HS3ST5: variants seen among roughly 807,000 people sequenced by gnomAD.
HS3ST5 encodes the protein heparan sulfate glucosamine 3-O-sulfotransferase 5.
A neutral mutation model predicts 25.4 loss-of-function variants in HS3ST5; 10 were observed. The ratio of observed to expected loss-of-function variants is 0.39; its 90% CI spans 0.24 to 0.67. HS3ST5 has a LOEUF of 0.67. HS3ST5 is among the 30% of genes least tolerant of loss of function. The pLI is 0.44. For synonymous variants in HS3ST5, 170 were observed against 162.4 expected, an observed-to-expected ratio of 1.05 and a Z score of -0.36; for missense variants, 324 against 420.7, an observed-to-expected ratio of 0.77 and a Z score of 2.01.
chr6:114,115,368 C>T (rs1290757423), intron 3 of HS3ST5, among the ~76,000 whole-genome samples: 1 of 152,080 alleles, frequency 6.6e-6, no homozygotes. Context: ...AGTTAGCAGT[C>T]TCAGAACCTT....
At chr6:114,138,925 G>T (rs997567147) in intron 3 of HS3ST5, among the ~76,000 whole-genome samples, 4 of 152,158 alleles carry the variant, frequency 2.6e-5, no homozygotes, top group African/African-American at 7.2e-5. Flanking sequence ...CTTGGAAGGG[G>T]CAAGGGAGCT....
chr6:114,078,746 T>A (rs1774286587), intron 3 of HS3ST5, among the ~76,000 whole-genome samples: 1 of 152,158 alleles, frequency 6.6e-6, no homozygotes, highest in South Asian at 2.1e-4. Flanking sequence ...GCTGGGTAAA[T>A]TCATCCCCTT....
chr6:114,178,057 A>G (rs1779802844), intron 2 of HS3ST5, among the ~76,000 whole-genome samples: 1 of 152,192 alleles, frequency 6.6e-6, no homozygotes, highest in African/African-American at 2.4e-5. Flanking sequence ...TTTTGCTAAA[A>G]GACTTGCTCT....
intron 1 of HS3ST5, among the ~76,000 whole-genome samples, chr6:114,303,839 G>C (rs1456533057): frequency 6.6e-6 from 1 of 152,042 alleles, no homozygotes; most frequent in Non-Finnish European, 1.5e-5. Flanking sequence ...TTGAGCCTGT[G>C]CCCATAAATC....
chr6:114,202,687 T>A (rs902103813), intron 2 of HS3ST5, among the ~76,000 whole-genome samples: 32 of 152,156 alleles, frequency 2.1e-4, no homozygotes, highest in Non-Finnish European at 3.4e-4. Flanking sequence ...CTAGAATAGT[T>A]AGGGGAAGCC....
At chr6:114,106,030 AC>A (rs1562198977) in intron 3 of HS3ST5, among the ~76,000 whole-genome samples, 9 of 152,244 alleles carry the variant, frequency 5.9e-5, no homozygotes, top group Non-Finnish European at 1.2e-4. Flanking sequence ...AATCAGTTTT[AC>A]TTAATGCTCC....
At chr6:114,094,041 G>A (rs1460609513) in intron 3 of HS3ST5, among the ~76,000 whole-genome samples, 2 of 152,138 alleles carry the variant, frequency 1.3e-5, no homozygotes, top group South Asian at 2.1e-4. Context: ...CAAATAGGAT[G>A]GTGATGCTGA....
At chr6:114,288,665 C>G (rs1237004483) in intron 1 of HS3ST5, among the ~76,000 whole-genome samples, 1 of 152,062 alleles carries the variant, frequency 6.6e-6, no homozygotes, top group Non-Finnish European at 1.5e-5. Context: ...CTTGACCAAT[C>G]TGACTACTAA....
chr6:114,204,660 C>G (rs1476912534), intron 2 of HS3ST5, among the ~76,000 whole-genome samples: 2 of 152,014 alleles, frequency 1.3e-5, no homozygotes, highest in Non-Finnish European at 2.9e-5. Flanking sequence ...GTATAAAACA[C>G]ACACTTTATT....
chr6:114,067,854 G>A (rs1773553858), intron 3 of HS3ST5, among the ~76,000 whole-genome samples: 1 of 152,132 alleles, frequency 6.6e-6, no homozygotes, highest in South Asian at 2.1e-4. Context: ...GGAGTCAAAA[G>A]ACCTTGGGTC....
chr6:114,223,149 A>AT (rs575432990), intron 2 of HS3ST5, among the ~76,000 whole-genome samples: 16 of 151,576 alleles, frequency 1.1e-4, no homozygotes, highest in East Asian at 1.9e-4. Flanking sequence ...ATTTTTGAAT[A>AT]TTTTTTTCAT....
intron 4 of HS3ST5, 138 bp downstream of exon 4, chr6:114,062,601 A>G (rs982546924): frequency 3.2e-6 from 2 of 632,466 alleles, no homozygotes; most frequent in African/African-American, 1.8e-5. Flanking sequence ...GTAAATCAAA[A>G]TCAATACTGC....
At chr6:114,238,513 C>G (rs940296161) in intron 1 of HS3ST5, among the ~76,000 whole-genome samples, 2 of 152,094 alleles carry the variant, frequency 1.3e-5, no homozygotes, top group Admixed American at 1.3e-4. Context: ...AGGATGTACA[C>G]GTACAGATTT....
At chr6:114,081,399 G>A (rs922693567) in intron 3 of HS3ST5, among the ~76,000 whole-genome samples, 11 of 152,082 alleles carry the variant, frequency 7.2e-5, no homozygotes, top group Admixed American at 4.6e-4. Context: ...ATAAAGTGAG[G>A]CACAGTAAAA....
At chr6:114,208,293 G>T (rs143219387) in intron 2 of HS3ST5, among the ~76,000 whole-genome samples, 2 of 152,202 alleles carry the variant, frequency 1.3e-5, no homozygotes, top group African/African-American at 2.4e-5. Context: ...GTTTATGAGG[G>T]CCTAATTTTT....
intron 1 of HS3ST5, among the ~76,000 whole-genome samples, chr6:114,313,025 GAAAAAAAAAAAA>G (rs5879258): frequency 1.4e-3 from 23 of 16,126 alleles, no homozygotes; most frequent in East Asian, 7.4e-3. Flanking sequence ...CCCTGCATCA[GAAAAAAAAAAAA>G]AAAAAAAAAA....
intron 3 of HS3ST5, among the ~76,000 whole-genome samples, chr6:114,150,548 A>G (rs2114959095): frequency 1.3e-5 from 2 of 152,320 alleles, no homozygotes; most frequent in South Asian, 4.1e-4. Flanking sequence ...AGACCTTTAT[A>G]TGAAGGACTG....
chr6:114,272,930 G>T (rs536655687), intron 1 of HS3ST5, among the ~76,000 whole-genome samples: 1 of 152,006 alleles, frequency 6.6e-6, no homozygotes, highest in Non-Finnish European at 1.5e-5. Flanking sequence ...AGAGACATAC[G>T]AGAGAGGGGG....
chr6:114,248,319 T>G (rs888385576), intron 1 of HS3ST5, among the ~76,000 whole-genome samples: 13 of 151,008 alleles, frequency 8.6e-5, no homozygotes, highest in African/African-American at 3.1e-4. Flanking sequence ...AGTAATTAGT[T>G]GGAAATAAGA....
Sources: allele counts gnomAD v4.1 joint callset (sites outside exome capture counted in the v4.1 genomes callset), GRCh38; gene constraint gnomAD v4.1.1; transcripts MANE v1.5; gene names NCBI Gene and HGNC (gene_info 2026-07-23, HGNC 2026-07-21).